Variants in VWA5A observed in about 807,000 individuals in gnomAD.
VWA5A encodes the protein von Willebrand factor A domain-containing protein 5A.
Under a neutral mutation model 84.6 loss-of-function variants are expected in VWA5A, and 77 were observed. That is an observed-to-expected ratio of 0.91 (90% CI 0.76 to 1.10). The LOEUF (loss-of-function observed/expected upper bound fraction) is 1.10, where lower values mean the gene tolerates loss of function less well. Among genes scored for constraint, VWA5A ranks in the 50% least tolerant of loss-of-function variants. VWA5A has a pLI of 0.00. For synonymous variants in VWA5A, 334 were observed against 350.1 expected (o/e 0.95, Z 0.51); for missense variants, 973 against 963.0 (o/e 1.01, Z -0.14).
At chr11:124,132,559 A>C (rs1301525676) in intron 11 of VWA5A, among the ~76,000 whole-genome samples, 1 of 152,090 alleles carries the variant, frequency 6.6e-6, no homozygotes, top group African/African-American at 2.4e-5. Context: ...ATATTGCCTA[A>C]TAATGTTATT....
intron 17 of VWA5A, among the ~76,000 whole-genome samples, chr11:124,143,498 G>T (rs1237406160): frequency 3.3e-5 from 5 of 152,026 alleles, no homozygotes; most frequent in African/African-American, 1.2e-4. Context: ...ATTCAATAGA[G>T]GTGTGCTATG....
chr11:124,141,164 C>T (rs1860721112), intron 15 of VWA5A, among the ~76,000 whole-genome samples: 2 of 152,124 alleles, frequency 1.3e-5, no homozygotes, highest in South Asian at 4.1e-4. Context: ...ATAGTGACGA[C>T]ATGTGGAAGG....
At chr11:124,135,218 C>G (rs181482706) in intron 12 of VWA5A, among the ~76,000 whole-genome samples, 184 bp downstream of exon 12, 4 of 152,328 alleles carry the variant, frequency 2.6e-5, no homozygotes, top group Admixed American at 1.3e-4. Flanking sequence ...TAGAAGCCCA[C>G]TGTAGTATCT....
At chr11:124,125,651 G>A (rs1428616003) in intron 11 of VWA5A, among the ~76,000 whole-genome samples, 4 of 151,998 alleles carry the variant, frequency 2.6e-5, no homozygotes, top group Non-Finnish European at 4.4e-5. Context: ...ATATTTACCC[G>A]CCAGTTGGAT....
intron 15 of VWA5A, among the ~76,000 whole-genome samples, chr11:124,140,146 A>G (rs1269961042): frequency 2.0e-5 from 3 of 152,218 alleles, no homozygotes; most frequent in African/African-American, 7.2e-5. Context: ...ACATTTGATA[A>G]TGATGCATGA....
At chr11:124,142,616 A>T (rs1448456337) in intron 17 of VWA5A, 44 bp downstream of exon 17, 1 of 1,610,180 alleles carries the variant, frequency 6.2e-7, no homozygotes, top group African/African-American at 1.3e-5. Context: ...TTTGAGAGAG[A>T]GGTCATCATT....
At chr11:124,126,776 A>G (rs1478015988) in intron 11 of VWA5A, among the ~76,000 whole-genome samples, 1 of 152,002 alleles carries the variant, frequency 6.6e-6, no homozygotes, top group Non-Finnish European at 1.5e-5. Context: ...AAAAAAGAAC[A>G]ATGGACACCA....
At chr11:124,137,601 C>T (rs1177494367) in intron 15 of VWA5A, among the ~76,000 whole-genome samples, 1 of 152,132 alleles carries the variant, frequency 6.6e-6, no homozygotes, top group Admixed American at 6.5e-5. Flanking sequence ...TACAATTCAC[C>T]CATTTAAAGT....
At chr11:124,128,492 A>G (rs536681696) in intron 11 of VWA5A, among the ~76,000 whole-genome samples, 1 of 152,206 alleles carries the variant, frequency 6.6e-6, no homozygotes, top group South Asian at 2.1e-4. Flanking sequence ...TCTTGGCTAT[A>G]TGGGCTCTTT....
rs569135595 is a variant in VWA5A, at chr11:124,118,215, C to A, written c.273C>A (p.Ile91=). 1.2e-6 allele frequency: 2 copies of A among 1,614,114 alleles called. No individual in the cohort carries two copies. The highest frequency in any genetic ancestry group is 2.7e-5 in the African/African-American group (2 of 75,060). ...CCCGCACCAACTATGAGAAAGCCAT[C>A]TCCCAGGGCCACCAGGCCTTCTTAT... The part of the protein sequence containing the change: ...MKARTNYEKA[I]SQGHQAFLLE... The change falls in exon 5 of 19, where the codon ATC becomes ATA. Residue 91 remains isoleucine, a synonymous_variant. Transcript: ENST00000456829.
intron 17 of VWA5A, 111 bp downstream of exon 17, chr11:124,142,683 C>G: frequency 7.2e-7 from 1 of 1,396,512 alleles, no homozygotes; most frequent in Non-Finnish European, 9.7e-7. Flanking sequence ...GGGTCATAGA[C>G]TAAATTAATT....
chr11:124,124,200 G>T, intron 10 of VWA5A, 37 bp from the exon 11 acceptor site: 1 of 1,598,498 alleles, frequency 6.3e-7, no homozygotes. Context: ...AAAAGAACTT[G>T]ACAAAGACCT....
intron 3 of VWA5A, 46 bp from the exon 4 acceptor site, chr11:124,117,627 G>C: frequency 6.2e-7 from 1 of 1,614,076 alleles, no homozygotes; most frequent in Non-Finnish European, 8.5e-7. Context: ...CTACAAGGAG[G>C]CAATCTATTG....
intron 17 of VWA5A, 70 bp downstream of exon 17, chr11:124,142,642 T>C: frequency 1.3e-6 from 2 of 1,591,710 alleles, no homozygotes; most frequent in South Asian, 1.1e-5. Flanking sequence ...TTGAGGTGAT[T>C]CAGGACCTAC....
chr11:124,127,158 C>T (rs1299701591), intron 11 of VWA5A, among the ~76,000 whole-genome samples: 1 of 152,092 alleles, frequency 6.6e-6, no homozygotes, highest in Non-Finnish European at 1.5e-5. Context: ...TAATTCTATC[C>T]CTCCCCTAGC....
intron 11 of VWA5A, 73 bp downstream of exon 11, chr11:124,124,389 C>T (rs749595518): frequency 3.1e-5 from 47 of 1,535,902 alleles, no homozygotes; most frequent in South Asian, 1.0e-4. Context: ...TACATGATGC[C>T]GGTGTTGACC....
intron 13 of VWA5A, 85 bp from the exon 14 acceptor site, chr11:124,136,489 T>C: frequency 6.8e-7 from 1 of 1,463,252 alleles, no homozygotes; most frequent in Non-Finnish European, 9.5e-7. Context: ...ATACATTGTT[T>C]TGGGTACCTG....
intron 17 of VWA5A, 135 bp downstream of exon 17, chr11:124,142,707 G>A: frequency 8.3e-7 from 1 of 1,209,172 alleles, no homozygotes; most frequent in South Asian, 1.8e-5. Flanking sequence ...AATAAATAGA[G>A]GCTGAAGGTT....
At position 124,137,265 on chromosome 11, in the gene VWA5A, T is replaced by C. The variant is rs765841856; in HGVS notation, c.1876T>C (p.Ser626Pro). ...TGCCCCATTGAAGATAAAATGCCAA[T>C]CAGGTAATGAGTTTTATTCCATTCA... ...ASAPLKIKCQ[S>P]GFRKALHSDR... Residue 626 changes from serine to proline, a missense_variant, in exon 15 of 19, where the codon TCA (serine) becomes CCA (proline). Ser to Pro is a moderately conservative substitution (Grantham distance 74). Coordinates refer to ENST00000456829, the MANE Select transcript of VWA5A (RefSeq NM_001130142.2). 1.9e-6 allele frequency: 3 copies of C among 1,613,946 alleles called. No individual in the cohort carries two copies. The highest frequency in any genetic ancestry group is 2.2e-5 in the South Asian group (2 of 91,076).
Sources: allele counts gnomAD v4.1 joint callset (sites outside exome capture counted in the v4.1 genomes callset), GRCh38; gene constraint gnomAD v4.1.1; transcripts MANE v1.5; gene names NCBI Gene and HGNC (gene_info 2026-07-23, HGNC 2026-07-21).